Variants in ADAMTS17 observed in about 807,000 individuals in gnomAD.
ADAMTS17 encodes the protein ADAM metallopeptidase with thrombospondin type 1 motif 17.
ADAMTS17 carries 113 observed loss-of-function variants against 141.5 expected under a neutral mutation model. That is an observed-to-expected ratio of 0.80 (90% CI 0.69 to 0.93). The LOEUF (loss-of-function observed/expected upper bound fraction) is 0.93. Ranked by LOEUF, ADAMTS17 falls within the 40% of genes least tolerant of loss-of-function variation. The pLI, the probability that ADAMTS17 is intolerant of heterozygous loss-of-function variation, is 0.00. For synonymous variants in ADAMTS17, 768 were observed against 630.6 expected, an observed-to-expected ratio of 1.22 and a Z score of -3.27; for missense variants, 1,659 against 1,517.9, an observed-to-expected ratio of 1.09 and a Z score of -1.54.
chr15:100,138,890 T>TA (rs1245136354), intron 10 of ADAMTS17, among the ~76,000 whole-genome samples: 1 of 152,174 alleles, frequency 6.6e-6, no homozygotes. Flanking sequence ...ACTTGCCTTT[T>TA]AAAAAAATTT....
chr15:100,314,093 A>C (rs2045487345), intron 3 of ADAMTS17, among the ~76,000 whole-genome samples: 1 of 152,260 alleles, frequency 6.6e-6, no homozygotes, highest in African/African-American at 2.4e-5. Flanking sequence ...ACGTCAGACA[A>C]AACCAAATTT....
In ADAMTS17 at chr15:100,117,186, C is replaced by T. The variant is rs74947098; in HGVS notation, c.1722-173G>A. ...GCCCACAATCCCAGACCCACACTGC[C>T]GGCATGTTTAAGTGAGCCCTCTGAA... On this transcript the variant is annotated intron_variant, in intron 12 of 21. Transcript: ENST00000268070. Among the ~76,000 whole-genome samples, 21,145 of 152,164 alleles carry T rather than the reference C, an allele frequency of 0.14. 1,745 individuals carry two copies. The highest frequency in any genetic ancestry group is 0.2 in the Admixed American group (3,059 of 15,282).
intron 14 of ADAMTS17, among the ~76,000 whole-genome samples, chr15:100,108,320 T>A (rs1166942708): frequency 6.6e-6 from 1 of 152,042 alleles, no homozygotes; most frequent in Non-Finnish European, 1.5e-5. Flanking sequence ...TACAAGCGCA[T>A]GCCACCATGC....
chr15:100,335,976 A>G (rs911005762), intron 2 of ADAMTS17, among the ~76,000 whole-genome samples: 2 of 152,224 alleles, frequency 1.3e-5, no homozygotes, highest in Admixed American at 1.3e-4. Context: ...ACTGGCTGCA[A>G]AAAACATCTT....
intron 18 of ADAMTS17, among the ~76,000 whole-genome samples, chr15:100,017,642 T>G (rs983628828): frequency 1.2e-4 from 19 of 152,168 alleles, no homozygotes; most frequent in Non-Finnish European, 2.5e-4. Context: ...TTTTCTCCAG[T>G]GGGGGTGTAT....
intron 13 of ADAMTS17, among the ~76,000 whole-genome samples, chr15:100,114,293 G>C (rs538873187): frequency 6.6e-6 from 1 of 151,966 alleles, no homozygotes; most frequent in South Asian, 2.1e-4. Context: ...AGTCATAATG[G>C]GCTTCAGAAG....
chr15:100,212,959 A>G lies in ADAMTS17; in HGVS notation c.1076-13536T>C, dbSNP rs775709131. 2.2e-4 allele frequency among the ~76,000 whole-genome samples: 33 copies of G among 152,298 alleles called. No homozygotes were observed. The Middle Eastern group carries it at 0.02, about 94-fold the overall frequency. ...ATTTAGAAAGCACCCTGAGTTAAGC[A>G]TCCAATTTAAATTAGCCTGTAATTG... On this transcript the variant is annotated intron_variant, in intron 7 of 21. Coordinates refer to ENST00000268070, the MANE Select transcript of ADAMTS17 (RefSeq NM_139057.4).
At chr15:100,003,877 G>T (rs551575827) in intron 18 of ADAMTS17, among the ~76,000 whole-genome samples, 65 of 152,186 alleles carry the variant, frequency 4.3e-4, no homozygotes, top group Non-Finnish European at 6.9e-4. Flanking sequence ...GGGGAATAGG[G>T]AGTGAGTGTT....
At chr15:100,114,635 A>C (rs771447872) in intron 13 of ADAMTS17, among the ~76,000 whole-genome samples, 97 of 152,324 alleles carry the variant, frequency 6.4e-4, no homozygotes, top group Admixed American at 5.1e-3. Context: ...TGTCCTCATC[A>C]AACAGGGCTG....
At chr15:100,049,358 CAATT>C (rs1158804283) in intron 17 of ADAMTS17, among the ~76,000 whole-genome samples, 2 of 152,158 alleles carry the variant, frequency 1.3e-5, no homozygotes, top group African/African-American at 4.8e-5. Flanking sequence ...GATCTGATCT[CAATT>C]AAAGACCTGC....
At chr15:100,063,471 G>C (rs1241256321) in intron 15 of ADAMTS17, 1 of 364,810 alleles carries the variant, frequency 2.7e-6, no homozygotes, top group Non-Finnish European at 5.5e-6. Context: ...TTTCCTTCCT[G>C]TTCCCGCCCC....
At chr15:100,121,817 G>A (rs910069311) in intron 12 of ADAMTS17, among the ~76,000 whole-genome samples, 1 of 151,964 alleles carries the variant, frequency 6.6e-6, no homozygotes, top group African/African-American at 2.4e-5. Flanking sequence ...GGCCTGTGAT[G>A]CATTCCACCT....
At chr15:100,235,388 C>T (rs2042624602) in intron 7 of ADAMTS17, among the ~76,000 whole-genome samples, 2 of 152,184 alleles carry the variant, frequency 1.3e-5, no homozygotes, top group South Asian at 4.1e-4. Flanking sequence ...TCCCCGACCA[C>T]CCCACACCAT....
At chr15:100,145,927 C>T (rs2038880860) in intron 10 of ADAMTS17, among the ~76,000 whole-genome samples, 2 of 152,230 alleles carry the variant, frequency 1.3e-5, no homozygotes, top group Admixed American at 6.5e-5. Context: ...AATCCCAGCA[C>T]TTTGGGAGGC....
intron 7 of ADAMTS17, among the ~76,000 whole-genome samples, chr15:100,222,442 G>A (rs1235334492): frequency 3.3e-5 from 5 of 152,152 alleles, no homozygotes; most frequent in Non-Finnish European, 4.4e-5. Context: ...CTGAAAACCC[G>A]GGCAGCCCTG....
intron 12 of ADAMTS17, among the ~76,000 whole-genome samples, chr15:100,121,805 G>A (rs566720402): frequency 6.6e-6 from 1 of 152,048 alleles, no homozygotes; most frequent in African/African-American, 2.4e-5. Flanking sequence ...TGCTTCTTCA[G>A]TGGCCTGTGA....
At chr15:100,185,577 C>T (rs2040684742) in intron 8 of ADAMTS17, among the ~76,000 whole-genome samples, 1 of 152,234 alleles carries the variant, frequency 6.6e-6, no homozygotes, top group African/African-American at 2.4e-5. Flanking sequence ...AGAAAATCAA[C>T]ACTTCCCATT....
intron 7 of ADAMTS17, among the ~76,000 whole-genome samples, chr15:100,251,995 C>T (rs972369436): frequency 1.3e-5 from 2 of 152,152 alleles, no homozygotes; most frequent in African/African-American, 4.8e-5. Flanking sequence ...TTGTTAAAGC[C>T]ACTCAGTTTG....
intron 13 of ADAMTS17, among the ~76,000 whole-genome samples, chr15:100,113,778 A>T (rs1427470188): frequency 1.3e-5 from 2 of 152,310 alleles, no homozygotes; most frequent in South Asian, 4.1e-4. Flanking sequence ...GTCGTCAGAG[A>T]GTCCTAACCA....
Sources: allele counts gnomAD v4.1 joint callset (sites outside exome capture counted in the v4.1 genomes callset), GRCh38; gene constraint gnomAD v4.1.1; transcripts MANE v1.5; gene names NCBI Gene and HGNC (gene_info 2026-07-23, HGNC 2026-07-21).